Variants in SGCD observed in about 807,000 individuals in gnomAD.
SGCD encodes delta-sarcoglycan.
In SGCD, 18 loss-of-function variants were observed where a neutral mutation model predicts 36.6. The observed-to-expected ratio is 0.49, with a 90% CI of 0.34 to 0.73. SGCD has a LOEUF of 0.73. Ranked by LOEUF, SGCD falls within the 30% of genes least tolerant of loss-of-function variation. The pLI, the probability that SGCD is intolerant of heterozygous loss-of-function variation, is 0.01. For synonymous variants in SGCD, 133 were observed against 130.6 expected, an observed-to-expected ratio of 1.02 and a Z score of -0.12; for missense variants, 387 against 346.7, an observed-to-expected ratio of 1.12 and a Z score of -0.92.
At chr5:156,487,813 A>AAAG (rs1554107843) in intron 3 of SGCD, among the ~76,000 whole-genome samples, 4 of 77,798 alleles carry the variant, frequency 5.1e-5, no homozygotes, top group Non-Finnish European at 7.5e-5. Context: ...AAAAAAAAAA[A>AAAG]AAAGAAAGAA....
intron 6 of SGCD, among the ~76,000 whole-genome samples, chr5:156,638,507 T>C (rs1762914640): frequency 6.6e-6 from 1 of 152,204 alleles, no homozygotes; most frequent in African/African-American, 2.4e-5. Context: ...TCAAGCAGCC[T>C]TCTCAGCTTA....
chr5:156,171,006 G>T (rs1763332174), intron 3 of SGCD, among the ~76,000 whole-genome samples: 1 of 152,126 alleles, frequency 6.6e-6, no homozygotes, highest in Non-Finnish European at 1.5e-5. Context: ...TCTTCTTTCT[G>T]TGTAAATGAG....
In SGCD at chr5:156,759,800, C is replaced by T. The variant is rs1244193744; in HGVS notation, c.*410C>T. 2.0e-5 allele frequency: 3 copies of T among 152,108 alleles called. No homozygotes were observed. Among genetic ancestry groups the T allele is most frequent in the Non-Finnish European group, 4.4e-5 (3 of 68,044 alleles). 9.4% of individuals were successfully genotyped at this position (152,108 alleles called of 1,614,324 possible). ...ATATTCGAGTAGCAGCATATCTTCT[C>T]TTTTAGTGTCATTACGAGGGAGTGA... On this transcript the variant is annotated 3_prime_UTR_variant, in exon 9 of 9. Transcript: ENST00000337851.
intron 6 of SGCD, among the ~76,000 whole-genome samples, chr5:156,602,945 C>T (rs375705395): frequency 6.6e-6 from 1 of 152,056 alleles, no homozygotes; most frequent in African/African-American, 2.4e-5. Context: ...CAAGGTGATG[C>T]TGGCCTTGTA....
chr5:156,416,891 G>A (rs1199361566), intron 3 of SGCD, among the ~76,000 whole-genome samples: 1 of 152,166 alleles, frequency 6.6e-6, no homozygotes, highest in Non-Finnish European at 1.5e-5. Context: ...ATTTAAATGA[G>A]TGGAAAATGG....
At chr5:156,347,564 T>G (rs948119973) in intron 3 of SGCD, among the ~76,000 whole-genome samples, 10 of 152,224 alleles carry the variant, frequency 6.6e-5, no homozygotes, top group African/African-American at 2.2e-4. Flanking sequence ...AAAATAGAAT[T>G]TATTACTTTT....
At chr5:155,838,615 C>G in the SGCD span, among the ~76,000 whole-genome samples, 1 of 152,074 alleles carries the variant, frequency 6.6e-6, no homozygotes, top group Admixed American at 6.6e-5. Context: ...ACTAGTTTCA[C>G]AATGATAGTA....
At chr5:156,738,386 T>C (rs1756486630) in intron 7 of SGCD, among the ~76,000 whole-genome samples, 2 of 152,186 alleles carry the variant, frequency 1.3e-5, no homozygotes, top group Admixed American at 1.3e-4. Context: ...AGGAACACCA[T>C]TTGCTACAAA....
intron 3 of SGCD, among the ~76,000 whole-genome samples, chr5:156,242,634 C>T (rs1186113215): frequency 5.3e-5 from 8 of 152,026 alleles, no homozygotes; most frequent in Non-Finnish European, 1.2e-4. Context: ...CTTATTATAC[C>T]TGTGTGAGTG....
rs111265257 is a variant in SGCD at position 155,949,955 on chromosome 5, G to A, written c.-282+79531G>A. The stretch of plus-strand genomic sequence containing the variant: ...CATCCTTCCTTCTTCCCATGCATGC[G>A]CCTGGAATAAAATGTAATGGCAACT... On this transcript the variant is annotated intron_variant, in intron 1 of 9. Coordinates refer to the SGCD transcript ENST00000517913. Among the ~76,000 whole-genome samples, 14 of 152,098 alleles carry A rather than the reference G, an allele frequency of 9.2e-5. 1 individual carries two copies. In the South Asian group the frequency reaches 2.5e-3, roughly 27 times the overall value.
At chr5:156,033,711 C>T (rs992692199) in intron 1 of SGCD, among the ~76,000 whole-genome samples, 5 of 152,090 alleles carry the variant, frequency 3.3e-5, no homozygotes, top group African/African-American at 1.2e-4. Context: ...TTGTTTGCGC[C>T]CTCAACCATT....
At chr5:156,526,537 T>A (rs946881842) in intron 4 of SGCD, among the ~76,000 whole-genome samples, 27 of 152,132 alleles carry the variant, frequency 1.8e-4, no homozygotes, top group African/African-American at 6.5e-4. Context: ...ATTGCCTGAG[T>A]AAATAAAAGT....
rs1768855804 is a variant in SGCD, at chr5:156,344,665, G to C, written c.180G>C (p.Met60Ile). ...TGACCATCTGGATTCTCAAAGTCATGAACTTCACAATTGTAAGTAAAACCA... is the reference window on the plus strand; with the variant it reads ...TGACCATCTGGATTCTCAAAGTCATCAACTTCACAATTGTAAGTAAAACCA... ...LAMTIWILKV[M>I]NFTIDGMGNL... Residue 60 changes from methionine (M) to isoleucine (I), a missense_variant, in exon 3 of 9, where the codon ATG becomes ATC. Transcript: ENST00000337851. The C allele has an allele frequency of 6.2e-7, 1 of 1,602,278 alleles. No individual in the cohort carries two copies. The highest frequency in any genetic ancestry group is 8.5e-7 in the Non-Finnish European group (1 of 1,174,684).
intron 1 of SGCD, among the ~76,000 whole-genome samples, chr5:155,966,282 G>A (rs955967513): frequency 3.9e-5 from 6 of 152,076 alleles, no homozygotes; most frequent in Non-Finnish European, 2.9e-5. Flanking sequence ...TACATAGGAA[G>A]CAAATTTTGA....
intron 4 of SGCD, among the ~76,000 whole-genome samples, chr5:156,520,019 A>G (rs952109898): frequency 2.0e-5 from 3 of 152,190 alleles, no homozygotes; most frequent in African/African-American, 7.2e-5. Flanking sequence ...TGGCCAGGGC[A>G]GTCCACCAAG....
chr5:155,883,632 C>T (rs955561349), intron 1 of SGCD, among the ~76,000 whole-genome samples: 14 of 151,702 alleles, frequency 9.2e-5, no homozygotes, highest in East Asian at 5.8e-4. Flanking sequence ...TCAAAGATCC[C>T]GGTCACAAGT....
chr5:156,345,240 A>AT lies in SGCD; in HGVS notation c.192+574dup, dbSNP rs879574610. On this transcript the variant is annotated intron_variant, in intron 3 of 8. Transcript: ENST00000337851. ...AATTAGAGGAATGTAGCTGTGTTTC[A>AT]TTTTTTTTTTTAAGAATTGATGTTT... 1.9e-3 allele frequency among the ~76,000 whole-genome samples: 278 copies of AT among 145,860 alleles called. 1 individual carries two copies. The highest frequency in any genetic ancestry group is 8.9e-3 in the South Asian group (41 of 4,612).
At chr5:156,533,312 C>G (rs527828112) in intron 4 of SGCD, among the ~76,000 whole-genome samples, 31 of 152,286 alleles carry the variant, frequency 2.0e-4, no homozygotes, top group African/African-American at 7.0e-4. Context: ...TGTTACTTCT[C>G]TCTGTCCGTA....
At chr5:155,907,956 A>G (rs960104174) in intron 1 of SGCD, among the ~76,000 whole-genome samples, 2 of 152,078 alleles carry the variant, frequency 1.3e-5, no homozygotes, top group African/African-American at 2.4e-5. Flanking sequence ...TGCCAACTTC[A>G]TTGTTGTTTA....
Sources: allele counts gnomAD v4.1 joint callset (sites outside exome capture counted in the v4.1 genomes callset), GRCh38; gene constraint gnomAD v4.1.1; transcripts MANE v1.5; gene names NCBI Gene and HGNC (gene_info 2026-07-23, HGNC 2026-07-21).